The following RORB variants were observed in gnomAD, a reference collection of about 807,000 sequenced individuals.
The protein encoded by RORB is nuclear receptor ROR-beta.
In RORB, 6 loss-of-function variants were observed where a neutral mutation model predicts 59.1. The ratio of observed to expected loss-of-function variants is 0.10; its 90% CI spans 0.06 to 0.20. The LOEUF is 0.20. Ranked by LOEUF, RORB falls within the 10% of genes least tolerant of loss-of-function variation. RORB has a pLI of 1.00. For missense variants in RORB, 320 were observed against 560.5 expected (o/e 0.57, Z 4.33); for synonymous variants, 215 against 204.5 (o/e 1.05, Z -0.44).
chr9:74,584,201 T>C (rs1395732281), intron 1 of RORB, among the ~76,000 whole-genome samples: 1 of 152,248 alleles, frequency 6.6e-6, no homozygotes, highest in Non-Finnish European at 1.5e-5. Flanking sequence ...CTGTGCGGTC[T>C]TACCAATTAT....
chr9:74,607,584 CTA>C lies in RORB; in HGVS notation c.8-22688_8-22687del, dbSNP rs554022865. Among the ~76,000 whole-genome samples the C allele has an allele frequency of 5.5e-5, 8 of 144,930 alleles. No individual in the cohort carries two copies. In the South Asian group the frequency reaches 1.8e-3, roughly 32 times the overall value. On this transcript the variant is annotated intron_variant, in intron 1 of 9. Coordinates refer to ENST00000376896, the MANE Select transcript of RORB (RefSeq NM_006914.4). The stretch of plus-strand genomic sequence containing the variant: ...CATTTCATATAGACACATGTTTATA[CTA>C]TATATATATTTATTTATATATATAC...
chr9:74,637,935 C>T (rs1823732584), intron 3 of RORB, among the ~76,000 whole-genome samples: 1 of 152,052 alleles, frequency 6.6e-6, no homozygotes, highest in Non-Finnish European at 1.5e-5. Context: ...TTCAACATCA[C>T]AAGGAGTTCT....
intron 1 of RORB, chr9:74,498,340 G>C (rs907505599): frequency 3.7e-6 from 1 of 267,728 alleles, no homozygotes; most frequent in Non-Finnish European, 7.1e-6. Flanking sequence ...CTCTGGACAG[G>C]AGCAGTTTGG....
intron 7 of RORB, among the ~76,000 whole-genome samples, chr9:74,666,899 G>A (rs563686870): frequency 1.1e-4 from 16 of 152,192 alleles, no homozygotes; most frequent in African/African-American, 3.9e-4. Flanking sequence ...AGGTTTTAAC[G>A]ATTGATAGTG....
chr9:74,558,141 T>C (rs1321232501), intron 1 of RORB, among the ~76,000 whole-genome samples: 2 of 152,162 alleles, frequency 1.3e-5, no homozygotes, highest in Non-Finnish European at 2.9e-5. Context: ...ACTACTATAT[T>C]TTTCCCATAC....
At chr9:74,648,406 C>T (rs978347594) in intron 4 of RORB, among the ~76,000 whole-genome samples, 5 of 152,164 alleles carry the variant, frequency 3.3e-5, no homozygotes, top group African/African-American at 1.2e-4. Context: ...GATCAAATGA[C>T]TTTTAAAGAC....
intron 1 of RORB, among the ~76,000 whole-genome samples, chr9:74,584,445 A>G (rs932210402): frequency 6.6e-6 from 1 of 152,244 alleles, no homozygotes; most frequent in Non-Finnish European, 1.5e-5. Flanking sequence ...ATGAGATAAT[A>G]GATAAAACAG....
intron 1 of RORB, among the ~76,000 whole-genome samples, chr9:74,536,047 G>A (rs767214910): frequency 7.9e-5 from 12 of 151,922 alleles, no homozygotes; most frequent in East Asian, 1.9e-4. Flanking sequence ...AATTTATTAC[G>A]AAGTCTCATA....
At chr9:74,683,685 A>G (rs948184527) in intron 9 of RORB, among the ~76,000 whole-genome samples, 1 of 152,112 alleles carries the variant, frequency 6.6e-6, no homozygotes, top group African/African-American at 2.4e-5. Flanking sequence ...CTCAGCTTCA[A>G]TGTCACTTTC....
intron 9 of RORB, among the ~76,000 whole-genome samples, chr9:74,684,729 C>T (rs1330549661): frequency 6.6e-6 from 1 of 152,140 alleles, no homozygotes. Context: ...AGCTAAGTGC[C>T]AGTGACCTCC....
intron 9 of RORB, among the ~76,000 whole-genome samples, chr9:74,680,405 C>T (rs1455710942): frequency 6.6e-6 from 1 of 152,040 alleles, no homozygotes; most frequent in Non-Finnish European, 1.5e-5. Flanking sequence ...GCTCTTGGCT[C>T]CTTAGGTTAC....
At chr9:74,666,152 T>C (rs145762389) in intron 7 of RORB, among the ~76,000 whole-genome samples, 126 of 152,244 alleles carry the variant, frequency 8.3e-4, no homozygotes, top group African/African-American at 2.8e-3. Context: ...CCACGCATGG[T>C]GGCTGACGCC....
chr9:74,570,376 G>A (rs1360037696), intron 1 of RORB, among the ~76,000 whole-genome samples: 1 of 151,962 alleles, frequency 6.6e-6, no homozygotes, highest in African/African-American at 2.4e-5. Flanking sequence ...CAGCATATTT[G>A]CATAATTAAG....
At chr9:74,675,233 T>G (rs1377538389) in intron 9 of RORB, among the ~76,000 whole-genome samples, 1 of 151,766 alleles carries the variant, frequency 6.6e-6, no homozygotes, top group East Asian at 1.9e-4. Context: ...AATAGTTAGA[T>G]TTGGCTGGAT....
At chr9:74,522,252 T>C (rs1416662981) in intron 1 of RORB, among the ~76,000 whole-genome samples, 3 of 151,792 alleles carry the variant, frequency 2.0e-5, no homozygotes, top group Non-Finnish European at 4.4e-5. Context: ...GAGAATTGCA[T>C]TGTGTTGAAC....
intron 1 of RORB, among the ~76,000 whole-genome samples, chr9:74,538,630 T>A (rs1441455768): frequency 6.6e-6 from 1 of 151,744 alleles, no homozygotes; most frequent in Non-Finnish European, 1.5e-5. Flanking sequence ...CAGAAAACTT[T>A]GGGAAACATT....
At chr9:74,645,813 T>C (rs552879701) in intron 4 of RORB, among the ~76,000 whole-genome samples, 1 of 152,116 alleles carries the variant, frequency 6.6e-6, no homozygotes, top group African/African-American at 2.4e-5. Flanking sequence ...TATAAGCCCA[T>C]ATCTGAGTAA....
rs545693825 is a variant in RORB, at chr9:74,539,239, A to G, written c.7+41256A>G. 7.2e-5 allele frequency among the ~76,000 whole-genome samples: 11 copies of G among 152,298 alleles called. 1 individual carries two copies. The East Asian group carries it at 1.7e-3, about 24-fold the overall frequency. ...AACCACAGCAGAAAATTGTAAGCAA[A>G]CATCAGAGATAATGACATATATTTA... On this transcript the variant is annotated intron_variant, in intron 1 of 9. Transcript: ENST00000376896.
intron 4 of RORB, among the ~76,000 whole-genome samples, chr9:74,654,354 G>C (rs965298070): frequency 4.6e-5 from 7 of 151,264 alleles, no homozygotes; most frequent in Non-Finnish European, 1.0e-4. Context: ...GAGAGAGAGA[G>C]AGAGAGAGAG....
Sources: allele counts gnomAD v4.1 joint callset (sites outside exome capture counted in the v4.1 genomes callset), GRCh38; gene constraint gnomAD v4.1.1; transcripts MANE v1.5; gene names NCBI Gene and HGNC (gene_info 2026-07-23, HGNC 2026-07-21).